The following EXOSC10 variants were observed in gnomAD, a reference collection of about 807,000 sequenced individuals.
EXOSC10 encodes exosome complex component 10.
EXOSC10 carries 94 observed loss-of-function variants against 126.6 expected under a neutral mutation model. That is an observed-to-expected ratio of 0.74 (90% CI 0.63 to 0.88). The LOEUF (loss-of-function observed/expected upper bound fraction) is 0.88, where lower values mean the gene tolerates loss of function less well. EXOSC10 is among the 40% of genes least tolerant of loss of function. The probability of loss-of-function intolerance (pLI) is 0.00; values close to 1 mark genes in which losing one functional copy is unlikely to be tolerated. For synonymous variants in EXOSC10, 395 were observed against 400.8 expected, an observed-to-expected ratio of 0.99 and a Z score of 0.17; for missense variants, 1,041 against 1,100.5, an observed-to-expected ratio of 0.95 and a Z score of 0.77.
rs111647602 is a variant in EXOSC10, at chr1:11,076,345, CA to C, written c.1986+496del. ...CCTTGGTGGCAGAACAAGATTGTCT[CA>C]AAAAAAAAAAAAATCATTTCTCTTC... On this transcript the variant is annotated intron_variant, in intron 17 of 24. Coordinates refer to ENST00000376936, the MANE Select transcript of EXOSC10 (RefSeq NM_001001998.3). Among the ~76,000 whole-genome samples, 766 of 138,468 alleles carry C rather than the reference CA, an allele frequency of 5.5e-3. 6 individuals carry two copies. Among genetic ancestry groups the C allele is most frequent in the African/African-American group, 0.014 (530 of 37,848 alleles). 90.8% of individuals were successfully genotyped at this position (138,468 alleles called of 152,430 possible).
At chr1:11,082,904 G>A in intron 9 of EXOSC10, 26 bp from the exon 10 acceptor site, 2 of 1,577,794 alleles carry the variant, frequency 1.3e-6, no homozygotes, top group East Asian at 4.5e-5. Context: ...AAGTCATGCA[G>A]TACACTGGTA....
At position 11,091,186 on chromosome 1, in the gene EXOSC10, T is replaced by G; in HGVS notation, c.478-7A>C. On this transcript the variant is annotated splice_polypyrimidine_tract_variant and splice_region_variant and intron_variant, in intron 4 of 24. Coordinates refer to ENST00000376936, the MANE Select transcript of EXOSC10 (RefSeq NM_001001998.3). ...TTTTGCCATATTCTGCTGCCTATGA[T>G]CAATGAATACAAATACTTTATAACA... 1 of 1,611,344 alleles carries G rather than the reference T, an allele frequency of 6.2e-7. No homozygotes were observed. The highest frequency in any genetic ancestry group is 8.5e-7 in the Non-Finnish European group (1 of 1,178,966).
intron 6 of EXOSC10, among the ~76,000 whole-genome samples, chr1:11,089,943 CAAA>C (rs1640709790): frequency 6.6e-6 from 1 of 151,222 alleles, no homozygotes; most frequent in African/African-American, 2.4e-5. Flanking sequence ...GACCCTGTCT[CAAA>C]GAAGTTCCAA....
At chr1:11,087,053 T>C (rs1640534697) in intron 9 of EXOSC10, among the ~76,000 whole-genome samples, 1 of 152,244 alleles carries the variant, frequency 6.6e-6, no homozygotes, top group East Asian at 1.9e-4. Context: ...AAAGGATATA[T>C]GCAGTTTTAA....
chr1:11,097,634 G>T (rs1641184335), intron 2 of EXOSC10, among the ~76,000 whole-genome samples: 1 of 151,606 alleles, frequency 6.6e-6, no homozygotes, highest in Non-Finnish European at 1.5e-5. Flanking sequence ...GCTGAGGCAG[G>T]AGAATAGCGT....
In EXOSC10 at chr1:11,098,115, C is replaced by T. The variant is rs747371343; in HGVS notation, c.153G>A (p.Gly51=). 4 of 1,612,044 alleles carry T rather than the reference C, an allele frequency of 2.5e-6. No homozygotes were observed. The African/African-American group carries it at 5.3e-5, about 22-fold the overall frequency. Residue 51 remains glycine (G), a synonymous_variant, in exon 2 of 25, where the codon GGG becomes GGA. Coordinates refer to ENST00000376936, the MANE Select transcript of EXOSC10 (RefSeq NM_001001998.3). ...ACTCATCGCCAAACTGTGGTAGGCC[C>T]CCAGATGCCTTGGTGACTGCCACCA... ...GSVVAVTKAS[G]GLPQFGDEYD...
At position 11,087,462 on chromosome 1, in the gene EXOSC10, G is replaced by C; in HGVS notation, c.1075C>G (p.Pro359Ala). The C allele has an allele frequency of 1.2e-6, 2 of 1,614,074 alleles. No individual in the cohort carries two copies. The highest frequency in any genetic ancestry group is 1.7e-6 in the Non-Finnish European group (2 of 1,180,018). ...MYILNESLTD[P>A]AIVKVFHGAD... is the part of the protein sequence containing the mutation. ...GGCTGGCTGACCTTAACGATGGCTG[G>C]GTCTGTGAGGCTCTCATTGAGAATG... The change falls in exon 9 of 25, where the codon CCA becomes GCA. Residue 359 changes from proline (P) to alanine (A), a missense_variant. This residue lies in a region of EXOSC10 where 645 missense variants were observed against 656.3 expected (regional missense o/e 0.98). Transcript: ENST00000376936.
intron 23 of EXOSC10, 63 bp downstream of exon 23, chr1:11,068,582 C>T: frequency 5.6e-6 from 7 of 1,260,998 alleles, no homozygotes; most frequent in Non-Finnish European, 8.2e-6. Context: ...GTCTTCTCAG[C>T]AGAGGAGGAG....
chr1:11,080,462 A>G (rs775821543), intron 13 of EXOSC10, 37 bp downstream of exon 13: 3 of 1,611,830 alleles, frequency 1.9e-6, no homozygotes, highest in Non-Finnish European at 2.5e-6. Context: ...AGATCTACTG[A>G]GAAAGTCAGA....
At chr1:11,083,138 G>A (rs969607220) in intron 9 of EXOSC10, among the ~76,000 whole-genome samples, 7 of 152,092 alleles carry the variant, frequency 4.6e-5, no homozygotes, top group African/African-American at 1.2e-4. Flanking sequence ...TTGTAGAGAC[G>A]GGGTTTCACT....
At chr1:11,074,775 A>G (rs1303393495) in intron 17 of EXOSC10, among the ~76,000 whole-genome samples, 1 of 152,186 alleles carries the variant, frequency 6.6e-6, no homozygotes, top group Non-Finnish European at 1.5e-5. Context: ...TCTCTTATGT[A>G]TAAGGTGTTG....
intron 3 of EXOSC10, 106 bp downstream of exon 3, chr1:11,095,652 T>G: frequency 9.7e-7 from 1 of 1,027,672 alleles, no homozygotes. Context: ...AGGCAGAGCT[T>G]GCAGTGAGTC....
chr1:11,067,894 C>T (rs1037858645), intron 24 of EXOSC10, 114 bp downstream of exon 24: 1 of 841,228 alleles, frequency 1.2e-6, no homozygotes. Context: ...TCTGAGTCAT[C>T]CTGGTTGAAG....
intron 10 of EXOSC10, among the ~76,000 whole-genome samples, chr1:11,082,368 T>C (rs1292990789): frequency 3.3e-5 from 5 of 151,912 alleles, no homozygotes; most frequent in Non-Finnish European, 7.4e-5. Flanking sequence ...CAGAAGATCT[T>C]ACACACACAC....
At chr1:11,085,127 A>T (rs1263842423) in intron 9 of EXOSC10, among the ~76,000 whole-genome samples, 4 of 152,158 alleles carry the variant, frequency 2.6e-5, no homozygotes, top group African/African-American at 9.7e-5. Context: ...TTTTGGTTCC[A>T]TATGAACTTT....
intron 17 of EXOSC10, among the ~76,000 whole-genome samples, chr1:11,075,897 G>A (rs1012818551): frequency 4.0e-5 from 6 of 148,942 alleles, no homozygotes; most frequent in Non-Finnish European, 8.9e-5. Context: ...CGGGTGTGGT[G>A]GCTCATGCCT....
At chr1:11,090,511 G>T (rs1227715369) in intron 6 of EXOSC10, 43 bp downstream of exon 6, 1 of 1,495,068 alleles carries the variant, frequency 6.7e-7, no homozygotes, top group Non-Finnish European at 9.3e-7. Flanking sequence ...TGGCAAAAAG[G>T]TAAGTACTCA....
At chr1:11,072,377 C>T in intron 19 of EXOSC10, 1 of 503,190 alleles carries the variant, frequency 2.0e-6, no homozygotes, top group Non-Finnish European at 3.6e-6. Context: ...TGCTACTGTC[C>T]TCCAGGCACT....
intron 5 of EXOSC10, 91 bp from the exon 6 acceptor site, chr1:11,090,759 C>CTT: frequency 1.7e-5 from 15 of 908,356 alleles, no homozygotes; most frequent in South Asian, 3.9e-5. Context: ...TGTTTTTTGG[C>CTT]TTTTTTTTTT....
Sources: allele counts gnomAD v4.1 joint callset (sites outside exome capture counted in the v4.1 genomes callset), GRCh38; gene constraint gnomAD v4.1.1; regional missense constraint gnomAD v4.1.1; transcripts MANE v1.5; gene names NCBI Gene and HGNC (gene_info 2026-07-23, HGNC 2026-07-21).